The following LRRC72 variants were observed in gnomAD, a reference collection of about 807,000 sequenced individuals.
LRRC72 encodes leucine-rich repeat-containing protein 72.
Under a neutral mutation model 35.8 loss-of-function variants are expected in LRRC72, and 41 were observed. The ratio of observed to expected loss-of-function variants is 1.15; its 90% confidence interval spans 0.89 to 1.49. The LOEUF is 1.49. LRRC72 is among the 40% of genes most tolerant of loss of function. The probability of loss-of-function intolerance (pLI) is 0.00; values close to 1 mark genes in which losing one functional copy is unlikely to be tolerated. For missense variants in LRRC72, 389 were observed against 330.7 expected, an observed-to-expected ratio of 1.18 and a Z score of -1.37; for synonymous variants, 118 against 119.2, an observed-to-expected ratio of 0.99 and a Z score of 0.07.
At chr7:16,529,213 C>T (rs1782122080) in intron 1 of LRRC72, among the ~76,000 whole-genome samples, 1 of 152,178 alleles carries the variant, frequency 6.6e-6, no homozygotes, top group Non-Finnish European at 1.5e-5. Flanking sequence ...CCTTTTACTT[C>T]AGCCAAAGGC....
intron 1 of LRRC72, among the ~76,000 whole-genome samples, chr7:16,532,289 G>A (rs909212564): frequency 5.3e-5 from 8 of 152,044 alleles, no homozygotes; most frequent in African/African-American, 1.9e-4. Flanking sequence ...AAACATCTGT[G>A]CCCAGGATTA....
chr7:16,544,845 A>G (rs6461264), intron 3 of LRRC72, among the ~76,000 whole-genome samples: 63,065 of 152,048 alleles, frequency 0.41, 13,169 homozygotes, highest in East Asian at 0.51. Context: ...AAGTATTCAA[A>G]ATGGAATCTG....
chr7:16,540,252 TACTG>T (rs1782333966), intron 3 of LRRC72, among the ~76,000 whole-genome samples: 1 of 152,220 alleles, frequency 6.6e-6, no homozygotes, highest in South Asian at 2.1e-4. Context: ...TTTTAAGATT[TACTG>T]ACTGACTGCC....
intron 3 of LRRC72, among the ~76,000 whole-genome samples, chr7:16,552,308 C>T (rs1258223021): frequency 6.6e-6 from 1 of 152,094 alleles, no homozygotes; most frequent in East Asian, 1.9e-4. Flanking sequence ...AAAAGAAATA[C>T]CCTGAGATGG....
At chr7:16,532,811 G>A (rs1782191786) in intron 2 of LRRC72, 1 of 550,292 alleles carries the variant, frequency 1.8e-6, no homozygotes, top group South Asian at 1.9e-5. Context: ...CTTCCAGCTG[G>A]GTGATCTTGG....
intron 3 of LRRC72, among the ~76,000 whole-genome samples, chr7:16,538,881 C>T (rs1034369986): frequency 1.3e-5 from 2 of 152,182 alleles, no homozygotes; most frequent in Non-Finnish European, 2.9e-5. Flanking sequence ...TTTCCTGAGG[C>T]CTCCCCAGCC....
intron 3 of LRRC72, among the ~76,000 whole-genome samples, chr7:16,554,363 T>G (rs920103515): frequency 1.3e-5 from 2 of 152,172 alleles, no homozygotes; most frequent in African/African-American, 4.8e-5. Context: ...CATTTTATTT[T>G]AATAATAGCT....
intron 3 of LRRC72, among the ~76,000 whole-genome samples, chr7:16,545,078 GA>G: frequency 6.6e-6 from 1 of 152,300 alleles, no homozygotes; most frequent in African/African-American, 2.4e-5. Context: ...TTAAAACCTA[GA>G]TGACGGGTTG....
chr7:16,551,907 T>A (rs554507962), intron 3 of LRRC72, among the ~76,000 whole-genome samples: 1 of 152,286 alleles, frequency 6.6e-6, no homozygotes, highest in Admixed American at 6.5e-5. Context: ...ACCTGGGGCT[T>A]GCAATTGGCA....
intron 5 of LRRC72, among the ~76,000 whole-genome samples, chr7:16,563,325 G>A (rs1562749643): frequency 6.6e-6 from 1 of 151,632 alleles, no homozygotes; most frequent in Non-Finnish European, 1.5e-5. Flanking sequence ...TCATACACGT[G>A]ACTCCTGTAA....
chr7:16,577,316 A>G (rs1366672272), intron 7 of LRRC72, among the ~76,000 whole-genome samples: 1 of 152,240 alleles, frequency 6.6e-6, no homozygotes. Flanking sequence ...GAATTGTGCC[A>G]TAAAGTAGCC....
At chr7:16,578,217 G>C (rs1246553054) in intron 7 of LRRC72, among the ~76,000 whole-genome samples, 1 of 152,090 alleles carries the variant, frequency 6.6e-6, no homozygotes, top group African/African-American at 2.4e-5. Flanking sequence ...AATATATTTG[G>C]AGGTATTAAA....
intron 3 of LRRC72, among the ~76,000 whole-genome samples, chr7:16,545,751 A>G (rs556548161): frequency 1.3e-5 from 2 of 152,316 alleles, no homozygotes; most frequent in African/African-American, 4.8e-5. Context: ...TTAAAAAGCA[A>G]ATCAATATAA....
intron 5 of LRRC72, among the ~76,000 whole-genome samples, chr7:16,561,815 C>A (rs770638227): frequency 2.0e-5 from 3 of 152,190 alleles, no homozygotes; most frequent in African/African-American, 4.8e-5. Flanking sequence ...TTTGTGCAGT[C>A]ATGTCCTCAG....
At chr7:16,577,804 C>T (rs907039973) in intron 7 of LRRC72, among the ~76,000 whole-genome samples, 5 of 152,012 alleles carry the variant, frequency 3.3e-5, no homozygotes, top group East Asian at 1.9e-4. Flanking sequence ...GCTTCACTAA[C>T]GATCAAATAA....
At position 16,527,003 on chromosome 7, in the gene LRRC72, A is replaced by G. The variant is rs774679270; in HGVS notation, c.51A>G (p.Leu17=). The G allele has an allele frequency of 5.2e-6, 8 of 1,539,864 alleles. No individual in the cohort carries two copies. Among genetic ancestry groups the G allele is most frequent in the South Asian group, 1.2e-5 (1 of 84,060 alleles). Residue 17 remains leucine (L), a synonymous_variant, in exon 1 of 9, where the codon CTA becomes CTG. Transcript: ENST00000401542. The part of the protein sequence containing the change: ...PVPRTLRCWR[L]RRASETALQS... ...CCCGTACCTTGCGATGCTGGCGCCTACGGAGGGCATCCGAAACTGCCCTAC... is the reference window on the plus strand; with the variant it reads ...CCCGTACCTTGCGATGCTGGCGCCTGCGGAGGGCATCCGAAACTGCCCTAC...
chr7:16,547,178 C>T (rs1332565913), intron 3 of LRRC72, among the ~76,000 whole-genome samples: 2 of 152,276 alleles, frequency 1.3e-5, no homozygotes, highest in East Asian at 3.9e-4. Context: ...GCCAGGAAAA[C>T]GTGGAGGGGA....
At chr7:16,578,431 A>G (rs1242847198) in intron 7 of LRRC72, among the ~76,000 whole-genome samples, 1 of 151,982 alleles carries the variant, frequency 6.6e-6, no homozygotes, top group Non-Finnish European at 1.5e-5. Context: ...CAGAGGTTGC[A>G]GTGAGCCGAG....
Position 16,566,298 on chromosome 7 carries a change from A to G in LRRC72, c.428-15A>G. The G allele has an allele frequency of 6.8e-7, 1 of 1,461,750 alleles. No individual in the cohort carries two copies. The highest frequency in any genetic ancestry group is 1.4e-5 in the South Asian group (1 of 72,376). 90.5% of individuals were successfully genotyped at this position (1,461,750 alleles called of 1,614,324 possible). On this transcript the variant is annotated splice_polypyrimidine_tract_variant and intron_variant, in intron 5 of 8. Transcript: ENST00000401542. ...TTGAAATCTGACATTTTTATTTTGG[A>G]TTCTTCATTTGCAGGTCTATACCAA...
Sources: gnomAD v4.1 joint callset for allele counts (sites outside exome capture counted in the v4.1 genomes callset) on GRCh38, gnomAD v4.1.1 for gene constraint, MANE v1.5 for transcripts, NCBI Gene and HGNC (gene_info 2026-07-23, HGNC 2026-07-21) for gene names.